TMTC4: variants seen among roughly 807,000 people sequenced by gnomAD.
TMTC4 encodes the protein protein O-mannosyl-transferase TMTC4.
A neutral mutation model predicts 86.0 loss-of-function variants in TMTC4; 65 were observed. The ratio of observed to expected loss-of-function variants is 0.76; its 90% confidence interval spans 0.62 to 0.93. The LOEUF (loss-of-function observed/expected upper bound fraction) is 0.93, where lower values mean the gene tolerates loss of function less well. Among genes scored for constraint, TMTC4 ranks in the 40% least tolerant of loss-of-function variants. The probability of loss-of-function intolerance (pLI) is 0.00; values close to 1 mark genes in which losing one functional copy is unlikely to be tolerated. For missense variants in TMTC4, 866 were observed against 948.1 expected (o/e 0.91, Z 1.14); for synonymous variants, 379 against 382.5 (o/e 0.99, Z 0.11).
intron 12 of TMTC4, among the ~76,000 whole-genome samples, chr13:100,632,015 C>CCACACACACACACACACA (rs60522457): frequency 5.7e-4 from 57 of 99,352 alleles, no homozygotes; most frequent in African/African-American, 2.2e-3. Context: ...TAAGAGGAAA[C>CCACACACACACACACACA]CACACACACA....
chr13:100,642,057 G>A (rs766822561), intron 7 of TMTC4, among the ~76,000 whole-genome samples, 154 bp downstream of exon 7: 8 of 152,206 alleles, frequency 5.3e-5, no homozygotes, highest in South Asian at 2.1e-4. Context: ...TTGTGACAGC[G>A]AAAGCCATTT....
intron 12 of TMTC4, among the ~76,000 whole-genome samples, chr13:100,632,015 C>CCACACACACACACACACACA (rs60522457): frequency 1.4e-4 from 14 of 99,378 alleles, no homozygotes; most frequent in African/African-American, 5.4e-4. Context: ...TAAGAGGAAA[C>CCACACACACACACACACACA]CACACACACA....
At chr13:100,617,269 G>C (rs148252544) in intron 15 of TMTC4, among the ~76,000 whole-genome samples, 5 of 152,222 alleles carry the variant, frequency 3.3e-5, no homozygotes, top group African/African-American at 1.2e-4. Context: ...CAGGTAGCTG[G>C]GACTACAGGC....
chr13:100,656,795 C>T (rs1379407694), intron 5 of TMTC4, among the ~76,000 whole-genome samples: 5 of 152,280 alleles, frequency 3.3e-5, no homozygotes, highest in African/African-American at 1.2e-4. Flanking sequence ...CCACCCACCT[C>T]TGCTTCTCAA....
Position 100,604,937 on chromosome 13 carries a change from T to C in TMTC4, c.*57A>G. The C allele has an allele frequency of 1.8e-5, 28 of 1,563,390 alleles. No homozygotes were observed. The highest frequency in any genetic ancestry group is 2.3e-5 in the Non-Finnish European group (27 of 1,156,988). ...AATGGTTAAATGTAACCACATACTA[T>C]TAATGATATGCCTCATGCACACACA... On this transcript the variant is annotated 3_prime_UTR_variant, in exon 19 of 19. Coordinates refer to ENST00000342624, the MANE Select transcript of TMTC4 (RefSeq NM_032813.5).
chr13:100,654,038 G>A (rs867117006), intron 6 of TMTC4, among the ~76,000 whole-genome samples: 16 of 152,342 alleles, frequency 1.1e-4, no homozygotes, highest in African/African-American at 3.4e-4. Flanking sequence ...TTCCTCAAGA[G>A]GGTTCATGTT....
intron 6 of TMTC4, among the ~76,000 whole-genome samples, chr13:100,650,905 C>G (rs1884354348): frequency 6.6e-6 from 1 of 152,172 alleles, no homozygotes; most frequent in Non-Finnish European, 1.5e-5. Flanking sequence ...AAATATGAGG[C>G]AATGATATCC....
At chr13:100,634,201 T>C (rs1881863783) in intron 12 of TMTC4, among the ~76,000 whole-genome samples, 1 of 152,042 alleles carries the variant, frequency 6.6e-6, no homozygotes, top group Admixed American at 6.5e-5. Flanking sequence ...AATATGCGGT[T>C]TGCTGACTGA....
At chr13:100,652,452 C>T (rs1161503341) in intron 6 of TMTC4, among the ~76,000 whole-genome samples, 1 of 152,162 alleles carries the variant, frequency 6.6e-6, no homozygotes, top group South Asian at 2.1e-4. Flanking sequence ...GCACTCCAGC[C>T]TGGGCAACAG....
chr13:100,674,488 G>GGC (rs202058927), intron 1 of TMTC4: 10 of 938,544 alleles, frequency 1.1e-5, no homozygotes, highest in East Asian at 2.6e-4. Flanking sequence ...GCCCGAGCGC[G>GGC]GCGGGCGGGG....
intron 1 of TMTC4, among the ~76,000 whole-genome samples, chr13:100,672,276 G>A (rs900421708): frequency 5.9e-5 from 9 of 152,320 alleles, no homozygotes; most frequent in Middle Eastern, 3.4e-3. Flanking sequence ...TGAGAAAGGC[G>A]GGCCCTTCTT....
intron 12 of TMTC4, among the ~76,000 whole-genome samples, chr13:100,633,538 T>C (rs1454852078): frequency 1.3e-5 from 2 of 152,098 alleles, no homozygotes; most frequent in Non-Finnish European, 2.9e-5. Flanking sequence ...AGAATACAAG[T>C]GAAAAAATTC....
intron 10 of TMTC4, chr13:100,635,750 C>G (rs1882130439): frequency 6.5e-6 from 1 of 153,122 alleles, no homozygotes; most frequent in African/African-American, 2.4e-5. Flanking sequence ...TGAAACACTT[C>G]TGGAACCACC....
chr13:100,637,751 G>A (rs1460266016), intron 8 of TMTC4, 49 bp from the exon 9 acceptor site: 2 of 1,596,506 alleles, frequency 1.3e-6, no homozygotes, highest in Non-Finnish European at 1.7e-6. Context: ...TCACATAAAA[G>A]TGTGGCTGAG....
intron 5 of TMTC4, 118 bp from the exon 6 acceptor site, chr13:100,656,586 A>G (rs1885151428): frequency 3.3e-6 from 2 of 607,778 alleles, no homozygotes; most frequent in African/African-American, 2.2e-5. Context: ...TCTGCCACCC[A>G]GGCTGGAGTG....
rs535645837 is a variant in TMTC4 at position 100,633,958 on chromosome 13, G to A, written c.1506+847C>T. 1.4e-3 allele frequency among the ~76,000 whole-genome samples: 212 copies of A among 152,260 alleles called. 2 individuals carry two copies. The highest frequency in any genetic ancestry group is 5.0e-3 in the African/African-American group (209 of 41,534). Reference sequence around the variant, plus strand: ...AGTTCAAGATCAGCTTGGCCAACATGGTGAAACTCTGTCTCTACTAAAAAT... The same window carrying A: ...AGTTCAAGATCAGCTTGGCCAACATAGTGAAACTCTGTCTCTACTAAAAAT... On this transcript the variant is annotated intron_variant, in intron 12 of 18. Coordinates refer to ENST00000342624, the MANE Select transcript of TMTC4 (RefSeq NM_032813.5).
chr13:100,635,210 G>C lies in TMTC4; in HGVS notation c.1203-15C>G. 3 of 1,544,728 alleles carry C rather than the reference G, an allele frequency of 1.9e-6. No homozygotes were observed. The highest frequency in any genetic ancestry group is 2.6e-6 in the Non-Finnish European group (3 of 1,148,614). On this transcript the variant is annotated splice_polypyrimidine_tract_variant and intron_variant, in intron 10 of 18. Transcript: ENST00000342624. ...GAGTAAGGATCCTGGATGATGAAAA[G>C]TATTTAAATAAATGGCTATTTCCAG... is the stretch of plus-strand genomic sequence containing the variant.
At position 100,630,762 on chromosome 13, in the gene TMTC4, CCAGA is replaced by C. The variant is rs764341894; in HGVS notation, c.1506+4039_1506+4042del. 5.0e-4 allele frequency among the ~76,000 whole-genome samples: 76 copies of C among 152,250 alleles called. No individual in the cohort carries two copies. In the Middle Eastern group the frequency reaches 0.01, roughly 20 times the overall value. On this transcript the variant is annotated intron_variant, in intron 12 of 18. Coordinates refer to ENST00000342624, the MANE Select transcript of TMTC4 (RefSeq NM_032813.5). Reference sequence around the variant, plus strand: ...AAATTCTGTTTTCTCAATAAAAAGCCCAGACAAAGAGTTCAACCGCCCTCTGCAG... The same window carrying C: ...AAATTCTGTTTTCTCAATAAAAAGCCCAAAGAGTTCAACCGCCCTCTGCAG...
intron 12 of TMTC4, among the ~76,000 whole-genome samples, chr13:100,628,467 ATCTC>A (rs1195012328): frequency 6.6e-6 from 1 of 152,144 alleles, no homozygotes; most frequent in Non-Finnish European, 1.5e-5. Flanking sequence ...GGGTGTACAA[ATCTC>A]TCTGAGTCTC....
Sources: gnomAD v4.1 joint callset for allele counts (sites outside exome capture counted in the v4.1 genomes callset) on GRCh38, gnomAD v4.1.1 for gene constraint, MANE v1.5 for transcripts, NCBI Gene and HGNC (gene_info 2026-07-23, HGNC 2026-07-21) for gene names.